Variants in TTC23L observed in about 807,000 individuals in gnomAD.
The protein encoded by TTC23L is tetratricopeptide repeat domain 23 like.
Under a neutral mutation model 48.1 loss-of-function variants are expected in TTC23L, and 42 were observed. The ratio of observed to expected loss-of-function variants is 0.87; its 90% CI spans 0.68 to 1.13. The LOEUF (loss-of-function observed/expected upper bound fraction) is 1.13. Among genes scored for constraint, TTC23L ranks in the 50% most tolerant of loss-of-function variants. The pLI, the probability that TTC23L is intolerant of heterozygous loss-of-function variation, is 0.00. For missense variants in TTC23L, 391 were observed against 421.0 expected (o/e 0.93, Z 0.62); for synonymous variants, 159 against 157.2 (o/e 1.01, Z -0.09).
downstream of TTC23L, among the ~76,000 whole-genome samples, chr5:34,904,317 T>C (rs1373018277): frequency 6.6e-6 from 1 of 150,646 alleles, no homozygotes; most frequent in African/African-American, 2.4e-5. Context: ...TGTAAACGGC[T>C]GGGTGTGGTG....
At chr5:34,866,790 C>A in intron 6 of TTC23L, 102 bp from the exon 7 acceptor site, 1 of 1,105,434 alleles carries the variant, frequency 9.0e-7, no homozygotes, top group Non-Finnish European at 1.3e-6. Context: ...AGATGATGGG[C>A]CTGTGAAGGC....
intron 1 of TTC23L, among the ~76,000 whole-genome samples, chr5:34,840,124 T>C (rs979651467): frequency 2.6e-5 from 4 of 151,348 alleles, no homozygotes; most frequent in Admixed American, 6.6e-5. Context: ...ACTCCTGAAC[T>C]CGGGTGATCC....
chr5:34,902,978 T>C (rs948559809), downstream of TTC23L, among the ~76,000 whole-genome samples: 2 of 148,684 alleles, frequency 1.3e-5, no homozygotes, highest in East Asian at 2.0e-4. Context: ...AAAAAAAAAA[T>C]ACCAGAAAGA....
At chr5:34,908,539 C>T in the TTC23L span, 2 of 384,142 alleles carry the variant, frequency 5.2e-6, no homozygotes, top group African/African-American at 4.1e-5. Flanking sequence ...AACTAAAGGA[C>T]AGTCCTGAAT....
the TTC23L span, chr5:34,907,975 C>G: frequency 3.3e-5 from 5 of 152,284 alleles, no homozygotes; most frequent in African/African-American, 1.2e-4. Context: ...GAATGCTGGC[C>G]TCCTCCCCAG....
At chr5:34,917,093 A>G in the TTC23L span, among the ~76,000 whole-genome samples, 1 of 152,192 alleles carries the variant, frequency 6.6e-6, no homozygotes, top group Non-Finnish European at 1.5e-5. Flanking sequence ...TATCAGAGGA[A>G]GTGTAGAATT....
At chr5:34,915,837 C>G in the TTC23L span, 1 of 1,570,566 alleles carries the variant, frequency 6.4e-7, no homozygotes, top group Non-Finnish European at 8.6e-7. Context: ...CTAAGCGGCA[C>G]GCCACAGCAG....
At chr5:34,918,551 ATTC>A in the TTC23L span, 19 of 844,102 alleles carry the variant, frequency 2.3e-5, no homozygotes, top group East Asian at 3.0e-4. Context: ...TATTTTATAT[ATTC>A]TTCATTTGTT....
chr5:34,858,125 T>A (rs1191641667), intron 4 of TTC23L, among the ~76,000 whole-genome samples: 1 of 152,222 alleles, frequency 6.6e-6, no homozygotes, highest in East Asian at 1.9e-4. Flanking sequence ...AATTTCTGAA[T>A]CTTGGGCTCC....
At chr5:34,919,370 GTTTTTTT>G in the TTC23L span, among the ~76,000 whole-genome samples, 2 of 151,348 alleles carry the variant, frequency 1.3e-5, no homozygotes, top group African/African-American at 4.9e-5. Flanking sequence ...GTGCTTTGGG[GTTTTTTT>G]GTTTTTTGTT....
intron 4 of TTC23L, among the ~76,000 whole-genome samples, chr5:34,859,840 C>CTTTTTTTT: frequency 1.0e-5 from 1 of 95,362 alleles, no homozygotes; most frequent in Non-Finnish European, 2.1e-5. Context: ...TTTTCTTCTT[C>CTTTTTTTT]TTTTTTTTTT....
the TTC23L span, chr5:34,923,276 G>A: frequency 7.1e-7 from 1 of 1,400,858 alleles, no homozygotes. Context: ...TTTTTTAATT[G>A]AGTTTATTTA....
the TTC23L span, chr5:34,919,740 G>T: frequency 7.1e-6 from 3 of 423,828 alleles, no homozygotes; most frequent in South Asian, 1.5e-4. Flanking sequence ...ACTGAAGAGT[G>T]TAAAAACACT....
At chr5:34,922,633 A>G in the TTC23L span, 5 of 1,586,432 alleles carry the variant, frequency 3.2e-6, no homozygotes, top group Non-Finnish European at 4.3e-6. Flanking sequence ...AATTAAAAGT[A>G]ATCTTTTGAA....
the TTC23L span, chr5:34,918,426 A>C: frequency 1.3e-5 from 21 of 1,610,686 alleles, no homozygotes; most frequent in Middle Eastern, 1.6e-4. Flanking sequence ...ATTTTAGAAC[A>C]AGACATTTAA....
intron 8 of TTC23L, among the ~76,000 whole-genome samples, chr5:34,870,715 A>G (rs1451904992): frequency 6.6e-6 from 1 of 152,188 alleles, no homozygotes; most frequent in African/African-American, 2.4e-5. Context: ...ATATAGCAAT[A>G]TATAAATAAC....
At chr5:34,874,947 A>G (rs1580463665) in intron 8 of TTC23L, among the ~76,000 whole-genome samples, 1 of 152,230 alleles carries the variant, frequency 6.6e-6, no homozygotes, top group Non-Finnish European at 1.5e-5. Context: ...GCCCAACCAT[A>G]TGTTGTCTAC....
the TTC23L span, chr5:34,911,907 A>T: frequency 1.4e-6 from 2 of 1,397,354 alleles, no homozygotes; most frequent in Admixed American, 2.1e-5. Flanking sequence ...AGAATAATTT[A>T]TTCCGCCCAA....
At chr5:34,925,563 T>G in the TTC23L span, 2 of 1,361,370 alleles carry the variant, frequency 1.5e-6, no homozygotes, top group African/African-American at 1.5e-5. Flanking sequence ...GTAAATACTT[T>G]TATTATCTAA....
Sources: allele counts gnomAD v4.1 joint callset (sites outside exome capture counted in the v4.1 genomes callset), GRCh38; gene constraint gnomAD v4.1.1; transcripts MANE v1.5; gene names NCBI Gene and HGNC (gene_info 2026-07-23, HGNC 2026-07-21).